CUBN: variants seen among roughly 807,000 people sequenced by gnomAD.
CUBN encodes cubilin.
CUBN carries 282 observed loss-of-function variants against 405.3 expected under a neutral mutation model. The ratio of observed to expected loss-of-function variants is 0.70; its 90% CI spans 0.63 to 0.77. The LOEUF is 0.77. Ranked by LOEUF, CUBN falls within the 30% of genes least tolerant of loss-of-function variation. CUBN has a pLI of 0.00. For missense variants in CUBN, 4,514 were observed against 4,475.2 expected (o/e 1.01, Z -0.25); for synonymous variants, 1,684 against 1,617.0 (o/e 1.04, Z -0.99).
intron 14 of CUBN, among the ~76,000 whole-genome samples, chr10:17,096,570 A>C (rs1223135002): frequency 6.6e-6 from 1 of 152,076 alleles, no homozygotes; most frequent in Non-Finnish European, 1.5e-5. Flanking sequence ...ATTTTACTAT[A>C]ACTTTCTGAC....
chr10:16,836,586 G>A (rs1465094822), intron 62 of CUBN, among the ~76,000 whole-genome samples: 4 of 152,236 alleles, frequency 2.6e-5, no homozygotes, highest in Non-Finnish European at 5.9e-5. Flanking sequence ...AGGAGGAAGG[G>A]AGGCAAAGCT....
At chr10:17,054,713 A>G (rs186227723) in intron 22 of CUBN, among the ~76,000 whole-genome samples, 5 of 152,210 alleles carry the variant, frequency 3.3e-5, no homozygotes, top group Admixed American at 3.3e-4. Context: ...ATTTGACAAC[A>G]TACATAAAAT....
chr10:17,022,150 G>C (rs1044001370), intron 27 of CUBN, among the ~76,000 whole-genome samples: 2 of 152,176 alleles, frequency 1.3e-5, no homozygotes, highest in Non-Finnish European at 1.5e-5. Flanking sequence ...CCGTAGAAGG[G>C]AGAACCAGGT....
In CUBN at chr10:17,072,042, G is replaced by C. The variant is rs1835752272; in HGVS notation, c.2302-71C>G. On this transcript the variant is annotated intron_variant, in intron 17 of 66. Coordinates refer to ENST00000377833, the MANE Select transcript of CUBN (RefSeq NM_001081.4). ...TACGTCGGCAATGGTGGCGTTACTTGGAGATGAAAAAATGGCAGATTCAAA... is the reference window on the plus strand; with the variant it reads ...TACGTCGGCAATGGTGGCGTTACTTCGAGATGAAAAAATGGCAGATTCAAA... 5.6e-6 allele frequency: 7 copies of C among 1,251,892 alleles called. No individual in the cohort carries two copies. In the Middle Eastern group the frequency reaches 7.7e-4, roughly 138 times the overall value. The allele number at this position is 1,251,892 out of a possible 1,614,324, so 77.5% of individuals were successfully genotyped here. A position where few individuals can be genotyped will look rare whatever the true frequency, so the allele number is the denominator to read the frequency against.
intron 28 of CUBN, among the ~76,000 whole-genome samples, chr10:16,994,888 G>A (rs185862219): frequency 1.3e-5 from 2 of 152,120 alleles, no homozygotes; most frequent in South Asian, 2.1e-4. Flanking sequence ...TCATGAGTTC[G>A]AGACCAGCCT....
At chr10:17,040,251 G>T (rs1588604050) in intron 27 of CUBN, among the ~76,000 whole-genome samples, 1 of 152,016 alleles carries the variant, frequency 6.6e-6, no homozygotes, top group South Asian at 2.1e-4. Context: ...ACTTCAGAAA[G>T]GGTATCTAGT....
At chr10:16,920,927 T>G (rs1842015766) in intron 43 of CUBN, among the ~76,000 whole-genome samples, 1 of 152,190 alleles carries the variant, frequency 6.6e-6, no homozygotes, top group African/African-American at 2.4e-5. Context: ...TCTGTCATAC[T>G]TCCAACTCCC....
At chr10:17,068,549 C>T (rs1835664298) in intron 20 of CUBN, 56 bp downstream of exon 20, 2 of 1,394,328 alleles carry the variant, frequency 1.4e-6, no homozygotes, top group Admixed American at 3.5e-5. Context: ...TTCTATCATT[C>T]ACTTATTCTG....
chr10:16,918,086 A>C (rs1841933226), intron 45 of CUBN, among the ~76,000 whole-genome samples: 1 of 152,118 alleles, frequency 6.6e-6, no homozygotes, highest in East Asian at 1.9e-4. Context: ...AGCTTTGTTG[A>C]AGATCAGATG....
At chr10:16,993,540 T>G (rs1332730055) in intron 28 of CUBN, among the ~76,000 whole-genome samples, 2 of 152,194 alleles carry the variant, frequency 1.3e-5, no homozygotes, top group Non-Finnish European at 2.9e-5. Context: ...AATGTCTTTT[T>G]TCCTAGTATT....
At chr10:16,942,666 G>A (rs1041287948) in intron 36 of CUBN, among the ~76,000 whole-genome samples, 3 of 152,120 alleles carry the variant, frequency 2.0e-5, no homozygotes, top group Non-Finnish European at 2.9e-5. Context: ...AAAAAGTTTG[G>A]TGGTTCCTCA....
At chr10:17,077,676 T>C (rs965314749) in intron 17 of CUBN, among the ~76,000 whole-genome samples, 10 of 152,146 alleles carry the variant, frequency 6.6e-5, no homozygotes, top group Middle Eastern at 3.2e-3. Context: ...CAGGCTGACA[T>C]ACATCTTAGC....
chr10:17,067,221 G>A (rs766375254), intron 21 of CUBN, among the ~76,000 whole-genome samples: 3 of 152,078 alleles, frequency 2.0e-5, no homozygotes, highest in Non-Finnish European at 4.4e-5. Flanking sequence ...GTCTGAATTA[G>A]TAGATAAAGT....
chr10:16,841,198 T>C lies in CUBN; in HGVS notation c.9664-151A>G, dbSNP rs984571664. 3 of 680,136 alleles carry C rather than the reference T, an allele frequency of 4.4e-6. No individual in the cohort carries two copies. In the African/African-American group the frequency reaches 5.4e-5, roughly 12 times the overall value. 42.1% of individuals were successfully genotyped at this position (680,136 alleles called of 1,614,324 possible). A position where few individuals can be genotyped will look rare whatever the true frequency, so the allele number is the denominator to read the frequency against. Reference sequence around the variant, plus strand: ...TCTTAATTTAGGAACAGAATTATAATTGGATTGATTATATTATGACTTTCA... The same window carrying C: ...TCTTAATTTAGGAACAGAATTATAACTGGATTGATTATATTATGACTTTCA... On this transcript the variant is annotated intron_variant, in intron 60 of 66. Coordinates refer to ENST00000377833, the MANE Select transcript of CUBN (RefSeq NM_001081.4).
intron 22 of CUBN, among the ~76,000 whole-genome samples, chr10:17,057,623 G>C (rs766607157): frequency 6.6e-6 from 1 of 151,864 alleles, no homozygotes; most frequent in Non-Finnish European, 1.5e-5. Context: ...GAATGAATAC[G>C]TCCACAAAAA....
intron 27 of CUBN, among the ~76,000 whole-genome samples, chr10:17,020,385 T>C (rs1834458119): frequency 6.6e-6 from 1 of 152,152 alleles, no homozygotes; most frequent in African/African-American, 2.4e-5. Flanking sequence ...TATGGGTACA[T>C]AGTAGGTGTA....
At chr10:17,020,676 G>T (rs1167250517) in intron 27 of CUBN, among the ~76,000 whole-genome samples, 1 of 152,022 alleles carries the variant, frequency 6.6e-6, no homozygotes, top group Non-Finnish European at 1.5e-5. Context: ...GTGTATATAT[G>T]TGTTTATACA....
chr10:17,026,451 G>A (rs965335926), intron 27 of CUBN, among the ~76,000 whole-genome samples: 95 of 152,076 alleles, frequency 6.2e-4, no homozygotes, highest in African/African-American at 2.2e-3. Flanking sequence ...GGGCAACATG[G>A]CAAAACCCTG....
intron 28 of CUBN, among the ~76,000 whole-genome samples, chr10:17,018,826 T>G (rs1000340823): frequency 4.6e-5 from 7 of 152,178 alleles, no homozygotes; most frequent in Non-Finnish European, 1.0e-4. Flanking sequence ...GAGCGCTGAT[T>G]GGTGGGTTTT....
Sources: gnomAD v4.1 joint callset for allele counts (sites outside exome capture counted in the v4.1 genomes callset) on GRCh38, gnomAD v4.1.1 for gene constraint, MANE v1.5 for transcripts, NCBI Gene and HGNC (gene_info 2026-07-23, HGNC 2026-07-21) for gene names.